XG: variants seen among roughly 807,000 people sequenced by gnomAD.
XG encodes the protein Xg glycoprotein (Xg blood group), also known as glycoprotein Xg.
In XG, 24 loss-of-function variants were observed where a neutral mutation model predicts 25.7. The observed-to-expected ratio is 0.93, with a 90% CI of 0.68 to 1.31. The LOEUF (loss-of-function observed/expected upper bound fraction) is 1.31. Ranked by LOEUF, XG falls within the 40% of genes most tolerant of loss-of-function variation. The probability of loss-of-function intolerance (pLI) is 0.00; values close to 1 mark genes in which losing one functional copy is unlikely to be tolerated. For missense variants in XG, 181 were observed against 187.6 expected, an observed-to-expected ratio of 0.96 and a Z score of 0.21; for synonymous variants, 77 against 69.2, an observed-to-expected ratio of 1.11 and a Z score of -0.56.
intron 1 of XG, among the ~76,000 whole-genome samples, 153 bp from the exon 2 acceptor site, chrX:2,770,397 G>T (rs2050791191): frequency 1.3e-5 from 2 of 152,076 alleles, no homozygotes; most frequent in Non-Finnish European, 1.5e-5. Context: ...GGAGGTGGTG[G>T]TTGCATCTCC....
At chrX:2,796,409 C>T (rs1200394694) in intron 6 of XG, among the ~76,000 whole-genome samples, 2 of 108,128 alleles carry the variant, frequency 1.8e-5, no homozygotes, top group African/African-American at 6.7e-5. Context: ...TGTATGCATA[C>T]TGTTTTATAT....
At chrX:2,762,395 G>C (rs1338835935) in intron 1 of XG, among the ~76,000 whole-genome samples, 2 of 152,060 alleles carry the variant, frequency 1.3e-5, no homozygotes, top group African/African-American at 4.8e-5. Context: ...GAGAGGCTGG[G>C]CTGCTTGGAT....
At chrX:2,790,033 A>G (rs2086822535) in intron 5 of XG, among the ~76,000 whole-genome samples, 1 of 109,372 alleles carries the variant, frequency 9.1e-6, no homozygotes, top group Admixed American at 9.9e-5. Context: ...ATATTTCACC[A>G]CCTATATTGG....
chrX:2,778,945 G>A (rs1165088706), intron 3 of XG, among the ~76,000 whole-genome samples: 1 of 151,832 alleles, frequency 6.6e-6, no homozygotes, highest in Non-Finnish European at 1.5e-5. Flanking sequence ...CATTTTTTTA[G>A]TAGAGACGGG....
At chrX:2,761,403 G>A (rs1055747362) in intron 1 of XG, among the ~76,000 whole-genome samples, 1 of 152,060 alleles carries the variant, frequency 6.6e-6, no homozygotes, top group East Asian at 1.9e-4. Context: ...GAGAATAAAA[G>A]TCTGTGGTTT....
intron 7 of XG, among the ~76,000 whole-genome samples, chrX:2,801,921 A>G (rs1421933786): frequency 9.1e-6 from 1 of 109,942 alleles, no homozygotes; most frequent in Non-Finnish European, 1.9e-5. Flanking sequence ...GTTAGCCAGG[A>G]TGATCTCGAT....
chrX:2,802,660 C>T (rs1006765006), intron 7 of XG, among the ~76,000 whole-genome samples: 4 of 108,963 alleles, frequency 3.7e-5, no homozygotes, highest in African/African-American at 6.7e-5. Flanking sequence ...GCCGCATTAC[C>T]AGTCTGGGTG....
chrX:2,774,808 T>A, intron 3 of XG, 69 bp downstream of exon 3: 2 of 1,590,944 alleles, frequency 1.3e-6, no homozygotes. Flanking sequence ...AGGGGATGGT[T>A]GAGGATGTTT....
At chrX:2,792,166 C>T (rs2086843201) in intron 5 of XG, among the ~76,000 whole-genome samples, 1 of 111,420 alleles carries the variant, frequency 9.0e-6, no homozygotes, top group African/African-American at 3.3e-5. Flanking sequence ...CCTGTAATCA[C>T]AACTACTTGA....
intron 2 of XG, 113 bp from the exon 3 acceptor site, chrX:2,774,603 T>G: frequency 8.5e-7 from 1 of 1,172,132 alleles, no homozygotes; most frequent in South Asian, 1.2e-5. Flanking sequence ...TCATTTACTT[T>G]GTATGGCTTT....
intron 10 of XG, among the ~76,000 whole-genome samples, chrX:2,814,139 ATTC>A (rs1231555255): frequency 1.8e-5 from 2 of 111,019 alleles, no homozygotes; most frequent in Non-Finnish European, 3.8e-5. Context: ...TAGATTTTTC[ATTC>A]TTCTAGCTTT....
intron 4 of XG, among the ~76,000 whole-genome samples, chrX:2,782,717 A>G (rs2086742856): frequency 9.0e-6 from 1 of 111,495 alleles, no homozygotes; most frequent in Admixed American, 9.5e-5. Context: ...AAAATATCTC[A>G]AGCACCGATC....
intron 9 of XG, among the ~76,000 whole-genome samples, chrX:2,809,514 T>G (rs754697774): frequency 3.8e-4 from 43 of 112,133 alleles, no homozygotes; most frequent in African/African-American, 1.4e-3. Flanking sequence ...GACAATTGAT[T>G]GTACTTGATT....
chrX:2,764,051 G>A (rs925379603), intron 1 of XG, among the ~76,000 whole-genome samples: 9 of 152,194 alleles, frequency 5.9e-5, no homozygotes, highest in Non-Finnish European at 7.3e-5. Flanking sequence ...AGACCTTGCT[G>A]ATGAAACAGC....
intron 7 of XG, among the ~76,000 whole-genome samples, chrX:2,806,103 T>C (rs1382431971): frequency 8.9e-6 from 1 of 111,969 alleles, no homozygotes; most frequent in Non-Finnish European, 1.9e-5. Flanking sequence ...TCATAGATCA[T>C]TGCAGCCTCC....
chrX:2,773,514 G>A (rs2050882305), intron 2 of XG, among the ~76,000 whole-genome samples: 1 of 141,486 alleles, frequency 7.1e-6, no homozygotes, highest in Non-Finnish European at 1.6e-5. Context: ...AAGGAAGGAA[G>A]GAGAGAAGGA....
intron 1 of XG, among the ~76,000 whole-genome samples, chrX:2,766,657 C>T (rs2050701198): frequency 6.7e-6 from 1 of 148,228 alleles, no homozygotes; most frequent in Non-Finnish European, 1.5e-5. Flanking sequence ...CTCCGCCTCC[C>T]GGGTTCACGC....
In XG at chrX:2,815,718, C is replaced by G. The variant is rs1331962372; in HGVS notation, c.*1338C>G. On this transcript the variant is annotated 3_prime_UTR_variant, in exon 11 of 11. Transcript: ENST00000644266. ...AGGTTTTTTTCAGGAGTGGTGATGT[C>G]TGATGCTCAATTACTATTTTCCCTA... 8.2e-5 allele frequency: 9 copies of G among 109,525 alleles called. No individual in the cohort carries two copies. Among genetic ancestry groups the G allele is most frequent in the South Asian group, 4.0e-4 (1 of 2,485 alleles). 9.0% of individuals were successfully genotyped at this position (109,525 alleles called of 1,213,427 possible).
At chrX:2,806,848 G>C in intron 8 of XG, 103 bp downstream of exon 8, 1 of 693,422 alleles carries the variant, frequency 1.4e-6, no homozygotes, top group Admixed American at 4.8e-5. Context: ...TTCATCCAGT[G>C]CACAACCAAC....
Sources: gnomAD v4.1 joint callset for allele counts (sites outside exome capture counted in the v4.1 genomes callset) on GRCh38, gnomAD v4.1.1 for gene constraint, MANE v1.5 for transcripts, NCBI Gene and HGNC (gene_info 2026-07-23, HGNC 2026-07-21) for gene names.